Variants in INTS9 observed in about 807,000 individuals in gnomAD.
INTS9 encodes the protein protein related to CPSF subunits of 74 kDa.
In INTS9, 55 loss-of-function variants were observed where a neutral mutation model predicts 79.7. The ratio of observed to expected loss-of-function variants is 0.69; its 90% CI spans 0.56 to 0.86. The LOEUF (loss-of-function observed/expected upper bound fraction) is 0.86. Ranked by LOEUF, INTS9 falls within the 40% of genes least tolerant of loss-of-function variation. The pLI is 0.00. For synonymous variants in INTS9, 319 were observed against 325.2 expected, an observed-to-expected ratio of 0.98 and a Z score of 0.20; for missense variants, 721 against 831.5, an observed-to-expected ratio of 0.87 and a Z score of 1.64.
At chr8:28,808,163 T>C (rs1466401351) in intron 8 of INTS9, among the ~76,000 whole-genome samples, 1 of 151,756 alleles carries the variant, frequency 6.6e-6, no homozygotes, top group Non-Finnish European at 1.5e-5. Flanking sequence ...TCCCTATGGA[T>C]CAGTCTTTGG....
intron 10 of INTS9, 54 bp from the exon 11 acceptor site, chr8:28,787,943 T>C: frequency 8.0e-7 from 1 of 1,247,576 alleles, no homozygotes; most frequent in Non-Finnish European, 1.2e-6. Flanking sequence ...CGGTGGCATC[T>C]GTTGCCACCT....
intron 1 of INTS9, among the ~76,000 whole-genome samples, chr8:28,887,054 C>T (rs914812011): frequency 6.6e-6 from 1 of 152,156 alleles, no homozygotes; most frequent in East Asian, 1.9e-4. Context: ...AGGACAGACA[C>T]ACGCCAATAA....
At chr8:28,862,263 A>C (rs1205353700) in intron 1 of INTS9, 7 of 964,732 alleles carry the variant, frequency 7.3e-6, no homozygotes, top group Admixed American at 6.2e-5. Flanking sequence ...ATCTACAATC[A>C]CACCAATCTG....
At chr8:28,839,988 A>T in intron 4 of INTS9, among the ~76,000 whole-genome samples, 3 of 141,580 alleles carry the variant, frequency 2.1e-5, no homozygotes, top group Non-Finnish European at 3.1e-5. Context: ...AGAAACTACC[A>T]TCAGAGTGAA....
chr8:28,778,226 C>G (rs767660316), intron 12 of INTS9, among the ~76,000 whole-genome samples: 1 of 152,130 alleles, frequency 6.6e-6, no homozygotes, highest in East Asian at 1.9e-4. Flanking sequence ...CTTTTTACAA[C>G]GAAATGCCAA....
intron 6 of INTS9, among the ~76,000 whole-genome samples, chr8:28,828,592 A>G (rs1806285129): frequency 6.6e-6 from 1 of 152,218 alleles, no homozygotes; most frequent in Non-Finnish European, 1.5e-5. Context: ...CTCCGAGCAC[A>G]CACTTCTATC....
chr8:28,844,459 G>A (rs1324288184), intron 4 of INTS9, among the ~76,000 whole-genome samples: 1 of 152,156 alleles, frequency 6.6e-6, no homozygotes, highest in South Asian at 2.1e-4. Flanking sequence ...AGGATGGCTT[G>A]AGCCAGGAAG....
rs2131245280 is a variant in INTS9 at position 28,848,075 on chromosome 8, T to A, written c.199-1266A>T. ...TACCAATAGGGTCTGCTACGATGCC[T>A]CCTGAAGGCCACTAATGCTTTCTCC... is the stretch of plus-strand genomic sequence containing the variant. On this transcript the variant is annotated intron_variant, in intron 3 of 16. Coordinates refer to ENST00000521022, the MANE Select transcript of INTS9 (RefSeq NM_018250.4). Among the ~76,000 whole-genome samples, 2 of 152,358 alleles carry A rather than the reference T, an allele frequency of 1.3e-5. 1 individual carries two copies. The highest frequency in any genetic ancestry group is 3.9e-4 in the East Asian group (2 of 5,190).
rs979686739 is a variant in INTS9, at chr8:28,850,227, C to A, written c.184G>T (p.Ala62Ser). 2 of 1,613,458 alleles carry A rather than the reference C, an allele frequency of 1.2e-6. No individual in the cohort carries two copies. The highest frequency in any genetic ancestry group is 2.7e-5 in the African/African-American group (2 of 74,908). The change falls in exon 3 of 17, where the codon GCT becomes TCT. Residue 62 changes from alanine (A) to serine (S), a missense_variant. This residue lies in a region of INTS9 where 291 missense variants were observed against 307.0 expected (regional missense o/e 0.95). Coordinates refer to ENST00000521022, the MANE Select transcript of INTS9 (RefSeq NM_018250.4). ...TTAGATATTACCTTGTCCAAGAAAG[C>A]ATTTCCATCCTTCAGGGACCAGCCA... is the stretch of plus-strand genomic sequence containing the variant. ...LPGWSLKDGNAFLDKELKECS... is the reference protein window; with the variant it reads ...LPGWSLKDGNSFLDKELKECS...
At position 28,867,677 on chromosome 8, in the gene INTS9, G is replaced by A. The variant is rs138217038; in HGVS notation, c.10-8114C>T. Reference sequence around the variant, plus strand: ...AGTAAATTTGGCAATTTGGTAATACGACAAATTGAATTTTAGTGAACTGAC... The same window carrying A: ...AGTAAATTTGGCAATTTGGTAATACAACAAATTGAATTTTAGTGAACTGAC... On this transcript the variant is annotated intron_variant, in intron 1 of 16. Transcript: ENST00000521022. 4.3e-3 allele frequency among the ~76,000 whole-genome samples: 649 copies of A among 149,662 alleles called. 2 individuals carry two copies. Among genetic ancestry groups the A allele is most frequent in the South Asian group, 0.022 (102 of 4,740 alleles).
chr8:28,889,692 T>G, intron 1 of INTS9, 182 bp downstream of exon 1: 1 of 609,336 alleles, frequency 1.6e-6, no homozygotes, highest in Non-Finnish European at 2.9e-6. Context: ...AGGGATGGGG[T>G]GGGGGAGAGG....
intron 8 of INTS9, 76 bp downstream of exon 8, chr8:28,812,251 A>T: frequency 7.1e-7 from 1 of 1,414,740 alleles, no homozygotes; most frequent in East Asian, 2.3e-5. Context: ...AAAATGGCTG[A>T]TGGTTCCTTG....
intron 1 of INTS9, among the ~76,000 whole-genome samples, chr8:28,875,397 CCTT>C (rs1248074778): frequency 1.3e-5 from 2 of 152,216 alleles, no homozygotes; most frequent in African/African-American, 4.8e-5. Context: ...ACATAACACT[CCTT>C]CTTGAAAATA....
chr8:28,835,664 A>G (rs945205371), intron 5 of INTS9, among the ~76,000 whole-genome samples: 1 of 152,212 alleles, frequency 6.6e-6, no homozygotes, highest in Non-Finnish European at 1.5e-5. Context: ...GAAATCCACA[A>G]GCCTGTTTTA....
At chr8:28,840,584 C>T (rs1381502204) in intron 4 of INTS9, among the ~76,000 whole-genome samples, 1 of 134,018 alleles carries the variant, frequency 7.5e-6, no homozygotes, top group African/African-American at 2.8e-5. Flanking sequence ...AAATGTGGCA[C>T]ATATACACCA....
intron 8 of INTS9, among the ~76,000 whole-genome samples, chr8:28,797,143 A>G (rs1289195936): frequency 6.6e-6 from 1 of 152,176 alleles, no homozygotes; most frequent in Non-Finnish European, 1.5e-5. Flanking sequence ...GGGCCTGAGA[A>G]TCTGCATTTT....
At chr8:28,866,882 G>A (rs1056108998) in intron 1 of INTS9, among the ~76,000 whole-genome samples, 3 of 152,124 alleles carry the variant, frequency 2.0e-5, no homozygotes, top group Non-Finnish European at 4.4e-5. Flanking sequence ...GGCTGAGGCA[G>A]GAGACTGGTG....
intron 8 of INTS9, among the ~76,000 whole-genome samples, chr8:28,801,120 T>C (rs2130990905): frequency 6.6e-6 from 1 of 152,228 alleles, no homozygotes; most frequent in South Asian, 2.1e-4. Flanking sequence ...AGCAAAACAT[T>C]TGGGGAAATT....
chr8:28,815,825 C>G (rs893454882), intron 6 of INTS9, among the ~76,000 whole-genome samples: 1 of 152,078 alleles, frequency 6.6e-6, no homozygotes, highest in Admixed American at 6.5e-5. Context: ...TCATAATATT[C>G]AATTACTAAA....
Sources: allele counts gnomAD v4.1 joint callset (sites outside exome capture counted in the v4.1 genomes callset), GRCh38; gene constraint gnomAD v4.1.1; regional missense constraint gnomAD v4.1.1; transcripts MANE v1.5; gene names NCBI Gene and HGNC (gene_info 2026-07-23, HGNC 2026-07-21).